The following GALNT11 variants were observed in gnomAD, a reference collection of about 807,000 sequenced individuals.
The protein encoded by GALNT11 is UDP-GalNAc:polypeptide N-acetylgalactosaminyltransferase 11.
A neutral mutation model predicts 72.7 loss-of-function variants in GALNT11; 47 were observed. The ratio of observed to expected loss-of-function variants is 0.65; its 90% confidence interval spans 0.51 to 0.82. The LOEUF (loss-of-function observed/expected upper bound fraction) is 0.82, where lower values mean the gene tolerates loss of function less well. Ranked by LOEUF, GALNT11 falls within the 40% of genes least tolerant of loss-of-function variation. GALNT11 has a pLI of 0.00. For missense variants in GALNT11, 677 were observed against 778.4 expected, an observed-to-expected ratio of 0.87 and a Z score of 1.55; for synonymous variants, 270 against 286.6, an observed-to-expected ratio of 0.94 and a Z score of 0.58.
rs146453832 is a variant in GALNT11 at position 152,105,365 on chromosome 7, C to G, written c.707C>G (p.Ala236Gly). Residue 236 changes from alanine (A) to glycine (G), a missense_variant, in exon 5 of 12, where the codon GCG becomes GGG. Transcript: ENST00000430044. ...IRGRMIGAAH[A>G]TGEVLVFLDS... ...GGGAGAATGATTGGCGCGGCCCACG[C>G]GACAGGTATCACTTCTCGTTAGCTT... 6.2e-7 allele frequency: 1 copy of G among 1,612,166 alleles called. No homozygotes were observed. Among genetic ancestry groups the G allele is most frequent in the Non-Finnish European group, 8.5e-7 (1 of 1,179,176 alleles).
chr7:152,076,061 C>CAA (rs71198757), intron 1 of GALNT11, among the ~76,000 whole-genome samples: 176 of 71,280 alleles, frequency 2.5e-3, no homozygotes, highest in Middle Eastern at 0.012. Context: ...GACTCCGTCT[C>CAA]AAAAAAAAAA....
At position 152,103,221 on chromosome 7, in the gene GALNT11, C is replaced by T. The variant is rs368323688; in HGVS notation, c.529C>T (p.Arg177Cys). ...LLRTVHSVID[R>C]TPAHLLHEII... ...TCGGACAGTGCACAGTGTCATAGAC[C>T]GCACGCCAGCACACCTGCTTCATGA... The change falls in exon 4 of 12, where the codon CGC (arginine) becomes TGC (cysteine). Residue 177 changes from arginine (R) to cysteine (C), a missense_variant. Transcript: ENST00000430044. The T allele has an allele frequency of 2.1e-5, 34 of 1,613,488 alleles. No homozygotes were observed. The highest frequency in any genetic ancestry group is 1.7e-4 in the Middle Eastern group (1 of 6,004).
chr7:152,120,853 A>G lies in GALNT11; in HGVS notation c.1580A>G (p.His527Arg), dbSNP rs754150845. Reference protein sequence around the residue: ...PNQIWIYNEEHELVLNSLLCL... With the variant: ...PNQIWIYNEERELVLNSLLCL... ...TAGATCTGGATCTATAATGAAGAGC[A>G]TGAATTGGTTTTAAATAGTCTCCTT... Residue 527 changes from histidine (H) to arginine (R), a missense_variant, in exon 11 of 12, where the codon CAT becomes CGT. His to Arg is a conservative substitution (Grantham distance 29, BLOSUM62 0). Coordinates refer to ENST00000430044, the MANE Select transcript of GALNT11 (RefSeq NM_022087.4). The G allele has an allele frequency of 1.9e-6, 3 of 1,608,858 alleles. No individual in the cohort carries two copies. The highest frequency in any genetic ancestry group is 2.7e-5 in the African/African-American group (2 of 74,804).
intron 7 of GALNT11, among the ~76,000 whole-genome samples, chr7:152,111,162 T>A (rs966075900): frequency 1.3e-5 from 2 of 151,938 alleles, no homozygotes; most frequent in Admixed American, 6.6e-5. Flanking sequence ...TGGTATTTAT[T>A]TTTTTGAGAC....
At chr7:152,048,949 G>C (rs1203386487) in intron 1 of GALNT11, among the ~76,000 whole-genome samples, 1 of 151,394 alleles carries the variant, frequency 6.6e-6, no homozygotes, top group Non-Finnish European at 1.5e-5. Flanking sequence ...GCATTTTATA[G>C]CTCCAGAATT....
At chr7:152,034,032 C>T (rs1034101959) in intron 1 of GALNT11, among the ~76,000 whole-genome samples, 4 of 152,196 alleles carry the variant, frequency 2.6e-5, no homozygotes, top group Non-Finnish European at 1.5e-5. Flanking sequence ...CCAGGTCTGC[C>T]TTGATCTGCT....
At chr7:152,052,416 AGT>A (rs2083448646) in intron 1 of GALNT11, among the ~76,000 whole-genome samples, 1 of 152,194 alleles carries the variant, frequency 6.6e-6, no homozygotes, top group South Asian at 2.1e-4. Flanking sequence ...ATATTTATAC[AGT>A]ATACCTATAT....
At chr7:152,051,453 A>G (rs978634577) in intron 1 of GALNT11, among the ~76,000 whole-genome samples, 4 of 151,954 alleles carry the variant, frequency 2.6e-5, no homozygotes, top group Admixed American at 1.3e-4. Flanking sequence ...GGATATTAAT[A>G]TGCTCGTGAT....
intron 1 of GALNT11, among the ~76,000 whole-genome samples, chr7:152,044,026 C>A (rs2082999353): frequency 6.6e-6 from 1 of 152,150 alleles, no homozygotes. Flanking sequence ...GGGTTCGAGC[C>A]CCACGTATGG....
At position 152,120,935 on chromosome 7, in the gene GALNT11, C is replaced by T. The variant is rs1286754860; in HGVS notation, c.1662C>T (p.His554=). Reference sequence around the variant, plus strand: ...ACCCGCCACGGCTCATGAAATGCCACGGGTCAGGAGGATCCCAGCAGTGGA... The same window carrying T: ...ACCCGCCACGGCTCATGAAATGCCATGGGTCAGGAGGATCCCAGCAGTGGA... ...SSDPPRLMKC[H]GSGGSQQWTF... Residue 554 remains histidine, a synonymous_variant, in exon 11 of 12, where the codon CAC becomes CAT. Coordinates refer to ENST00000430044, the MANE Select transcript of GALNT11 (RefSeq NM_022087.4). 3.7e-6 allele frequency: 6 copies of T among 1,614,056 alleles called. No individual in the cohort carries two copies. Among genetic ancestry groups the T allele is most frequent in the Admixed American group, 1.7e-5 (1 of 60,016 alleles).
At position 152,116,890 on chromosome 7, in the gene GALNT11, A is replaced by C. The variant is rs986069643; in HGVS notation, c.1234-267A>C. The C allele has an allele frequency of 4.0e-5, 24 of 603,586 alleles. No individual in the cohort carries two copies. In the East Asian group the frequency reaches 6.1e-4, roughly 15 times the overall value. 37.4% of individuals were successfully genotyped at this position (603,586 alleles called of 1,614,324 possible). A position where few individuals can be genotyped will look rare whatever the true frequency, so the allele number is the denominator to read the frequency against. ...GTTTCTCTGTTTTAATTTCTGTGTG[A>C]TAAATATGAACAGACACAGCCCACA... On this transcript the variant is annotated intron_variant, in intron 8 of 11. Transcript: ENST00000430044.
At chr7:152,077,803 C>T (rs2085074329) in intron 1 of GALNT11, among the ~76,000 whole-genome samples, 1 of 151,866 alleles carries the variant, frequency 6.6e-6, no homozygotes, top group Non-Finnish European at 1.5e-5. Context: ...CAAGAACCCG[C>T]ACAGATAACA....
At chr7:152,031,398 C>T (rs970860035) in intron 1 of GALNT11, among the ~76,000 whole-genome samples, 1 of 152,166 alleles carries the variant, frequency 6.6e-6, no homozygotes, top group Admixed American at 6.5e-5. Flanking sequence ...GAGGGCCACG[C>T]ATGTATGTAT....
At chr7:152,058,226 A>G (rs954652054) in intron 1 of GALNT11, among the ~76,000 whole-genome samples, 12 of 152,208 alleles carry the variant, frequency 7.9e-5, no homozygotes, top group Admixed American at 6.5e-5. Context: ...GCTAATGATC[A>G]TCTGAGCCTT....
At chr7:152,038,487 T>G (rs764722902) in intron 1 of GALNT11, among the ~76,000 whole-genome samples, 2 of 152,212 alleles carry the variant, frequency 1.3e-5, no homozygotes, top group Non-Finnish European at 2.9e-5. Context: ...TTGCCCTCAT[T>G]CCGGTAAACC....
At chr7:152,092,584 C>T (rs1489648064) in intron 1 of GALNT11, among the ~76,000 whole-genome samples, 1 of 151,918 alleles carries the variant, frequency 6.6e-6, no homozygotes, top group Non-Finnish European at 1.5e-5. Context: ...TAGTAGAATA[C>T]TTAATAGTTC....
intron 2 of GALNT11, among the ~76,000 whole-genome samples, chr7:152,099,386 T>A (rs545332941): frequency 3.2e-5 from 4 of 124,362 alleles, no homozygotes; most frequent in South Asian, 2.6e-4. Context: ...TTATTTATTT[T>A]GAGACAAAGT....
intron 1 of GALNT11, among the ~76,000 whole-genome samples, chr7:152,077,988 A>G (rs112477085): frequency 2.7e-4 from 41 of 152,168 alleles, no homozygotes; most frequent in African/African-American, 9.2e-4. Context: ...TCTAAAAAAT[A>G]CAGTAGCCAA....
rs1336931589 is a variant in GALNT11 at position 152,101,052 on chromosome 7, GAC to G, written c.419+133_419+134del. On this transcript the variant is annotated intron_variant, in intron 3 of 11. Coordinates refer to ENST00000430044, the MANE Select transcript of GALNT11 (RefSeq NM_022087.4). ...TTATTCAGCATACTAGGAAACTTGA[GAC>G]AGATTTCCACTTGTATTATATGTGA... is the stretch of plus-strand genomic sequence containing the variant. 7.6e-5 allele frequency: 94 copies of G among 1,232,068 alleles called. No homozygotes were observed. The African/African-American group carries it at 1.2e-3, about 15-fold the overall frequency. 76.3% of individuals were successfully genotyped at this position (1,232,068 alleles called of 1,614,324 possible).
Sources: gnomAD v4.1 joint callset for allele counts (sites outside exome capture counted in the v4.1 genomes callset) on GRCh38, gnomAD v4.1.1 for gene constraint, MANE v1.5 for transcripts, NCBI Gene and HGNC (gene_info 2026-07-23, HGNC 2026-07-21) for gene names.